The following AKNA variants were observed in gnomAD, a reference collection of about 807,000 sequenced individuals.
The protein encoded by AKNA is microtubule organization protein AKNA.
In AKNA, 67 loss-of-function variants were observed where a neutral mutation model predicts 138.8. The observed-to-expected ratio is 0.48, with a 90% CI of 0.40 to 0.59. The LOEUF (loss-of-function observed/expected upper bound fraction) is 0.59, where lower values mean the gene tolerates loss of function less well. Among genes scored for constraint, AKNA ranks in the 20% least tolerant of loss-of-function variants. The probability of loss-of-function intolerance (pLI) is 0.00; values close to 1 mark genes in which losing one functional copy is unlikely to be tolerated. For synonymous variants in AKNA, 737 were observed against 754.4 expected (o/e 0.98, Z 0.38); for missense variants, 1,813 against 1,880.4 (o/e 0.96, Z 0.66).
downstream of AKNA, among the ~76,000 whole-genome samples, chr9:114,332,877 G>A (rs1352973318): frequency 2.0e-5 from 3 of 152,190 alleles, no homozygotes; most frequent in East Asian, 5.8e-4. Flanking sequence ...GTAGAGGCAA[G>A]TAAGCTGAGG....
At chr9:114,347,928 A>C (rs1420529021) in intron 15 of AKNA, 28 bp from the exon 16 acceptor site, 2 of 1,546,436 alleles carry the variant, frequency 1.3e-6, no homozygotes, top group East Asian at 2.5e-5. Context: ...ACAGAAACAA[A>C]GAACAGAGGC....
chr9:114,339,549 C>A (rs1375817861), intron 21 of AKNA, among the ~76,000 whole-genome samples: 1 of 152,208 alleles, frequency 6.6e-6, no homozygotes, highest in Non-Finnish European at 1.5e-5. Flanking sequence ...GAAACAGCAA[C>A]CTGGTGAGTT....
At chr9:114,367,312 T>A (rs10119644) in intron 6 of AKNA, among the ~76,000 whole-genome samples, 63,905 of 151,644 alleles carry the variant, frequency 0.42, 14,353 homozygotes, top group Middle Eastern at 0.57. Flanking sequence ...ATGAGATGCA[T>A]TGCCAAAAAG....
chr9:114,376,818 G>C lies in AKNA; in HGVS notation c.989C>G (p.Pro330Arg), dbSNP rs575079213. 4 of 1,612,316 alleles carry C rather than the reference G, an allele frequency of 2.5e-6. No individual in the cohort carries two copies. In the African/African-American group the frequency reaches 5.3e-5, roughly 22 times the overall value. The change falls in exon 3 of 22, where the codon CCG (proline) becomes CGG (arginine). Residue 330 changes from proline (P) to arginine (R), a missense_variant. Coordinates refer to ENST00000374088, the MANE Select transcript of AKNA (RefSeq NM_001317950.2). ...PQPRPTRQGR[P>R]LPRQGATLAG... is the part of the protein sequence containing the mutation. ...CAGAGTGGCTCCCTGTCTGGGCAGC[G>C]GCCTGCCCTGCCGCGTTGGCCTGGG...
Position 114,381,281 on chromosome 9 carries a change from C to A in AKNA, c.53G>T (p.Gly18Val). 6.2e-7 allele frequency: 1 copy of A among 1,612,112 alleles called. No homozygotes were observed. The highest frequency in any genetic ancestry group is 1.3e-5 in the African/African-American group (1 of 74,996). ...IRWAEPGLGK[G>V]PQRRRWAWAE... ...CCAGGCCCAGCGCCGCCGCTGGGGG[C>A]CCTTCCCCAGGCCAGGCTCAGCCCA... Residue 18 changes from glycine (G) to valine (V), a missense_variant, in exon 2 of 22, where the codon GGC becomes GTC. Physicochemically the swap from Gly to Val is moderately radical, Grantham distance 109 (BLOSUM62 -3). Coordinates refer to ENST00000374088, the MANE Select transcript of AKNA (RefSeq NM_001317950.2).
intron 1 of AKNA, among the ~76,000 whole-genome samples, chr9:114,385,038 G>A (rs922141808): frequency 2.0e-5 from 3 of 151,830 alleles, no homozygotes; most frequent in Non-Finnish European, 4.4e-5. Flanking sequence ...TTTTTTTGTC[G>A]AGATGGGGTT....
At chr9:114,396,681 A>AG (rs1435311258), upstream of AKNA, 1 of 150,800 alleles carries the variant, frequency 6.6e-6, no homozygotes. Flanking sequence ...CCATCTCAAA[A>AG]AAAAAAAGAA....
At chr9:114,371,214 G>A (rs1012309182) in intron 4 of AKNA, among the ~76,000 whole-genome samples, 1 of 152,218 alleles carries the variant, frequency 6.6e-6, no homozygotes, top group Non-Finnish European at 1.5e-5. Flanking sequence ...CTCCCCAGCT[G>A]CAGATCCCGC....
chr9:114,362,684 T>G, intron 7 of AKNA, 151 bp from the exon 8 acceptor site: 4 of 1,121,420 alleles, frequency 3.6e-6, no homozygotes, highest in Non-Finnish European at 4.8e-6. Context: ...TTGAGATCTC[T>G]GGAGGCTGCC....
At position 114,337,164 on chromosome 9, in the gene AKNA, G is replaced by A. The variant is rs1410563869; in HGVS notation, c.4210C>T (p.Arg1404Trp). 10 of 1,611,074 alleles carry A rather than the reference G, an allele frequency of 6.2e-6. No individual in the cohort carries two copies. Among genetic ancestry groups the A allele is most frequent in the South Asian group, 1.1e-5 (1 of 90,822 alleles). ...ACGCTCTCGGCAGCCTGCACGGCCC[G>A]GCTCAGGGCCTTGTTGAGCTCCTCT... is the stretch of plus-strand genomic sequence containing the variant. Reference protein sequence around the residue: ...DLEELNKALSRAVQAAESVRS... With the variant: ...DLEELNKALSWAVQAAESVRS... The change falls in exon 22 of 22, where the codon CGG becomes TGG. Residue 1404 changes from arginine to tryptophan, a missense_variant. Arg to Trp is a moderately radical substitution (Grantham distance 101, BLOSUM62 -3). Transcript: ENST00000374088.
intron 15 of AKNA, chr9:114,348,864 A>G (rs1830895756): frequency 2.2e-6 from 1 of 456,242 alleles, no homozygotes; most frequent in Non-Finnish European, 4.4e-6. Context: ...TGGGGTGGGA[A>G]TTCCCACTGG....
chr9:114,356,035 T>C lies in AKNA; in HGVS notation c.2948A>G (p.Glu983Gly), dbSNP rs1831478778. 6.2e-7 allele frequency: 1 copy of C among 1,614,050 alleles called. No homozygotes were observed. The highest frequency in any genetic ancestry group is 8.5e-7 in the Non-Finnish European group (1 of 1,180,044). The change falls in exon 14 of 22, where the codon GAG becomes GGG. Residue 983 changes from glutamate to glycine, a missense_variant. Physicochemically the swap from Glu to Gly is moderately conservative, Grantham distance 98. Transcript: ENST00000374088. ...RGSLIPRRAT[E>G]PSTPRSQAQR... ...TGCTTGGCTCCGGGGTGTGCTGGGCTCTGTGGCTCTTCTGGGAATCAGAGA... is the reference window on the plus strand; with the variant it reads ...TGCTTGGCTCCGGGGTGTGCTGGGCCCTGTGGCTCTTCTGGGAATCAGAGA...
Position 114,357,806 on chromosome 9 carries a change from G to A in AKNA, c.2739+115C>T, listed in dbSNP as rs902666948. Reference sequence around the variant, plus strand: ...GTGGGATTGTGGCTGGCAGGGACAGGAGCAGCAAGTATTCCAAGAAGGAAT... The same window carrying A: ...GTGGGATTGTGGCTGGCAGGGACAGAAGCAGCAAGTATTCCAAGAAGGAAT... On this transcript the variant is annotated intron_variant, in intron 12 of 21. Transcript: ENST00000374088. 6 of 1,504,740 alleles carry A rather than the reference G, an allele frequency of 4.0e-6. No homozygotes were observed. In the African/African-American group the frequency reaches 5.7e-5, roughly 14 times the overall value. The allele number at this position is 1,504,740 out of a possible 1,614,324, so 93.2% of individuals were successfully genotyped here.
intron 18 of AKNA, chr9:114,344,116 C>CA: frequency 4.0e-6 from 1 of 251,536 alleles, no homozygotes; most frequent in Non-Finnish European, 7.7e-6. Context: ...CCAACACACC[C>CA]AGGCTAAGTC....
At chr9:114,373,985 C>T (rs1832986313) in intron 4 of AKNA, 108 bp downstream of exon 4, 3 of 1,227,178 alleles carry the variant, frequency 2.4e-6, no homozygotes, top group South Asian at 2.7e-5. Context: ...CCACTATCTC[C>T]AGGGCCTCAG....
intron 18 of AKNA, chr9:114,345,060 C>CATATATATATATAT (rs143632430): frequency 7.7e-5 from 11 of 143,526 alleles, no homozygotes; most frequent in African/African-American, 2.7e-4. Context: ...GAACCATATC[C>CATATATATATATAT]ATATATATAT....
At position 114,381,050 on chromosome 9, in the gene AKNA, T is replaced by C. The variant is rs376227009; in HGVS notation, c.274+10A>G. 6.6e-5 allele frequency: 100 copies of C among 1,520,908 alleles called. 3 individuals carry two copies. Among genetic ancestry groups the C allele is most frequent in the Admixed American group, 5.1e-4 (24 of 46,956 alleles). 94.2% of individuals were successfully genotyped at this position (1,520,908 alleles called of 1,614,324 possible). The stretch of plus-strand genomic sequence containing the variant: ...GGACACCACTGTAGGGGGAGGGGTG[T>C]CAGTCTCACCTTCTCCCGAAGTCTC... On this transcript the variant is annotated intron_variant, in intron 2 of 21. Coordinates refer to ENST00000374088, the MANE Select transcript of AKNA (RefSeq NM_001317950.2).
intron 1 of AKNA, among the ~76,000 whole-genome samples, chr9:114,381,966 A>AACTAGATGAGAC (rs1439220281): frequency 1.6e-4 from 24 of 152,258 alleles, no homozygotes; most frequent in Admixed American, 2.6e-4. Context: ...GGGTTTTATA[A>AACTAGATGAGAC]ACTAGATGAG....
Position 114,359,665 on chromosome 9 carries a change from T to C in AKNA, c.2421A>G (p.Lys807=), listed in dbSNP as rs747323791. ...EVDGVAATPG[K]AEATRVLPRQ... is the part of the protein sequence containing the mutation. ...TTGGGAGGACCCTGGTGGCCTCTGCTTTCCCTGGAGTTGCAGCCACCCCAT... is the reference window on the plus strand; with the variant it reads ...TTGGGAGGACCCTGGTGGCCTCTGCCTTCCCTGGAGTTGCAGCCACCCCAT... The change falls in exon 11 of 22, where the codon AAA becomes AAG. Residue 807 remains lysine (K), a synonymous_variant. Coordinates refer to ENST00000374088, the MANE Select transcript of AKNA (RefSeq NM_001317950.2). 1.9e-6 allele frequency: 3 copies of C among 1,613,862 alleles called. No homozygotes were observed. The African/African-American group carries it at 4.0e-5, about 22-fold the overall frequency.
Sources: gnomAD v4.1 joint callset for allele counts (sites outside exome capture counted in the v4.1 genomes callset) on GRCh38, gnomAD v4.1.1 for gene constraint, MANE v1.5 for transcripts, NCBI Gene and HGNC (gene_info 2026-07-23, HGNC 2026-07-21) for gene names.